The following SARDH variants were observed in gnomAD, a reference collection of about 807,000 sequenced individuals.
SARDH encodes the protein sarcosine dehydrogenase.
A neutral mutation model predicts 109.1 loss-of-function variants in SARDH; 95 were observed. The ratio of observed to expected loss-of-function variants is 0.87; its 90% CI spans 0.74 to 1.03. The LOEUF (loss-of-function observed/expected upper bound fraction) is 1.03. Ranked by LOEUF, SARDH falls within the 50% of genes least tolerant of loss-of-function variation. The pLI, the probability that SARDH is intolerant of heterozygous loss-of-function variation, is 0.00. For synonymous variants in SARDH, 572 were observed against 534.8 expected, an observed-to-expected ratio of 1.07 and a Z score of -0.96; for missense variants, 1,267 against 1,287.8, an observed-to-expected ratio of 0.98 and a Z score of 0.25.
intron 17 of SARDH, among the ~76,000 whole-genome samples, chr9:133,683,015 GCCCCTGCAC>G (rs996616291): frequency 2.0e-5 from 3 of 152,242 alleles, no homozygotes; most frequent in African/African-American, 7.2e-5. Context: ...GGGAGAGGCG[GCCCCTGCAC>G]CCCCTGCACC....
intron 19 of SARDH, among the ~76,000 whole-genome samples, chr9:133,670,232 G>A (rs972591864): frequency 1.3e-5 from 2 of 151,750 alleles, no homozygotes; most frequent in Non-Finnish European, 2.9e-5. Context: ...GGGAGGCTGA[G>A]GCAGGAGAAT....
intron 8 of SARDH, among the ~76,000 whole-genome samples, chr9:133,713,589 G>A (rs1038160711): frequency 1.3e-5 from 2 of 152,234 alleles, no homozygotes; most frequent in African/African-American, 2.4e-5. Flanking sequence ...GCAAGTGCAG[G>A]TGCTTGATAA....
At chr9:133,682,459 G>C (rs1830729580) in intron 17 of SARDH, among the ~76,000 whole-genome samples, 1 of 152,208 alleles carries the variant, frequency 6.6e-6, no homozygotes, top group South Asian at 2.1e-4. Flanking sequence ...TCATTGGCAG[G>C]CTATGAATGT....
upstream of SARDH, among the ~76,000 whole-genome samples, chr9:133,739,256 A>G (rs1170936798): frequency 6.6e-6 from 1 of 152,190 alleles, no homozygotes; most frequent in East Asian, 1.9e-4. Context: ...TTAATATTGT[A>G]ATGATGCCAG....
chr9:133,664,891 A>C (rs1830008526), intron 20 of SARDH, among the ~76,000 whole-genome samples: 4 of 152,178 alleles, frequency 2.6e-5, no homozygotes, highest in Admixed American at 2.0e-4. Context: ...TCAGATGTCC[A>C]CGGGCATGCA....
chr9:133,716,530 G>A (rs1832128169), intron 8 of SARDH, among the ~76,000 whole-genome samples: 1 of 151,934 alleles, frequency 6.6e-6, no homozygotes, highest in African/African-American at 2.4e-5. Flanking sequence ...GCCCCCTGGG[G>A]CAGAGCCTTC....
chr9:133,738,560 G>A (rs1000743091), upstream of SARDH, among the ~76,000 whole-genome samples: 5 of 152,176 alleles, frequency 3.3e-5, no homozygotes, highest in African/African-American at 1.2e-4. Flanking sequence ...TCACCCTTCC[G>A]CTCCAACCCT....
At position 133,738,238 on chromosome 9, in the gene SARDH, G is replaced by T. The variant is rs1832948641; in HGVS notation, c.-31+16C>A. 6.6e-6 allele frequency: 1 copy of T among 152,532 alleles called. No individual in the cohort carries two copies. The highest frequency in any genetic ancestry group is 1.5e-5 in the Non-Finnish European group (1 of 68,294). 9.4% of individuals were successfully genotyped at this position (152,532 alleles called of 1,614,324 possible). The stretch of plus-strand genomic sequence containing the variant: ...GCCCCAGCCTCGTCCCTCCCTGGGG[G>T]TGTACCTCCAAGTACCTCTTGTCAG... On this transcript the variant is annotated intron_variant, in intron 1 of 20. Transcript: ENST00000439388.
In SARDH at chr9:133,732,463, G is replaced by A; in HGVS notation, c.470C>T (p.Ser157Phe). The change falls in exon 3 of 21, where the codon TCC becomes TTC. Residue 157 changes from serine (S) to phenylalanine (F), a missense_variant. Physicochemically the swap from Ser to Phe is radical, Grantham distance 155. Transcript: ENST00000439388. ...WIQNGGLFIASNRQRLDEYKR... is the reference protein window; with the variant it reads ...WIQNGGLFIAFNRQRLDEYKR... ...GTACTCGTCCAGGCGCTGCCGGTTG[G>A]ACGCGATGAAGAGGCCCCCATTCTG... 2 of 1,613,718 alleles carry A rather than the reference G, an allele frequency of 1.2e-6. No individual in the cohort carries two copies. Among genetic ancestry groups the A allele is most frequent in the Non-Finnish European group, 1.7e-6 (2 of 1,179,862 alleles).
chr9:133,696,153 G>GCTCA, intron 14 of SARDH, 70 bp downstream of exon 14: 3 of 1,587,826 alleles, frequency 1.9e-6, no homozygotes, highest in Non-Finnish European at 2.6e-6. Context: ...TGGCTTGCCA[G>GCTCA]CTCATCTCAG....
intron 3 of SARDH, among the ~76,000 whole-genome samples, chr9:133,731,969 A>C (rs1255421090): frequency 3.3e-5 from 5 of 152,192 alleles, no homozygotes; most frequent in Non-Finnish European, 7.3e-5. Context: ...GATTGGCCCA[A>C]GAACAGCCAA....
chr9:133,663,729 CTCTGTCCGTA>C lies in SARDH; in HGVS notation c.*150_*159del. On this transcript the variant is annotated 3_prime_UTR_variant, in exon 21 of 21. Coordinates refer to ENST00000439388, the MANE Select transcript of SARDH (RefSeq NM_001134707.2). ...TGACCACAGGATGGGCCATCTTGGT[CTCTGTCCGTA>C]TCTGGTTTGGGGGTTTTCGCAGGAC... The C allele has an allele frequency of 1.0e-6, 1 of 995,946 alleles. No homozygotes were observed. Among genetic ancestry groups the C allele is most frequent in the South Asian group, 1.6e-5 (1 of 62,594 alleles). The allele number at this position is 995,946 out of a possible 1,614,324, so 61.7% of individuals were successfully genotyped here. A position where few individuals can be genotyped will look rare whatever the true frequency, so the allele number is the denominator to read the frequency against.
intron 19 of SARDH, chr9:133,667,236 G>A (rs1283665464): frequency 4.7e-6 from 2 of 424,716 alleles, no homozygotes; most frequent in African/African-American, 2.3e-5. Flanking sequence ...GCACAATCTA[G>A]ACTCACTACA....
chr9:133,681,278 G>A (rs1004666946), intron 17 of SARDH, among the ~76,000 whole-genome samples: 78 of 152,200 alleles, frequency 5.1e-4, no homozygotes, highest in Admixed American at 2.0e-4. Flanking sequence ...AGGCCCCTGG[G>A]GTCAGTCCCA....
At chr9:133,698,829 A>C (rs1018717018) in intron 13 of SARDH, among the ~76,000 whole-genome samples, 5 of 152,244 alleles carry the variant, frequency 3.3e-5, no homozygotes, top group Non-Finnish European at 5.9e-5. Flanking sequence ...CTTAGAAGAA[A>C]ACATAAATGT....
At chr9:133,677,091 G>A (rs555407314) in intron 17 of SARDH, among the ~76,000 whole-genome samples, 30 of 152,072 alleles carry the variant, frequency 2.0e-4, no homozygotes, top group Non-Finnish European at 3.8e-4. Flanking sequence ...GCGAGCCAAG[G>A]TCGCCCCACT....
intron 15 of SARDH, 85 bp from the exon 16 acceptor site, chr9:133,690,612 T>C (rs932332956): frequency 3.4e-6 from 5 of 1,482,948 alleles, no homozygotes; most frequent in Non-Finnish European, 3.7e-6. Flanking sequence ...GTCTCCCGGC[T>C]GAGAAAACAA....
At chr9:133,671,470 T>A in intron 18 of SARDH, 65 bp downstream of exon 18, 2 of 1,472,942 alleles carry the variant, frequency 1.4e-6, no homozygotes, top group Non-Finnish European at 1.8e-6. Context: ...CCTCCAGGTG[T>A]CTCGAGCGTC....
chr9:133,664,610 G>T (rs758001389), intron 20 of SARDH, among the ~76,000 whole-genome samples: 1 of 152,058 alleles, frequency 6.6e-6, no homozygotes, highest in East Asian at 1.9e-4. Context: ...GAGGAGGGCA[G>T]GCTAGGCCAC....
Sources: gnomAD v4.1 joint callset for allele counts (sites outside exome capture counted in the v4.1 genomes callset) on GRCh38, gnomAD v4.1.1 for gene constraint, MANE v1.5 for transcripts, NCBI Gene and HGNC (gene_info 2026-07-23, HGNC 2026-07-21) for gene names.